CAMKK1: variants seen among roughly 807,000 people sequenced by gnomAD.
The protein encoded by CAMKK1 is calcium/calmodulin-dependent protein kinase kinase 1.
In CAMKK1, 20 loss-of-function variants were observed where a neutral mutation model predicts 63.5. That is an observed-to-expected ratio of 0.32 (90% CI 0.22 to 0.46). CAMKK1 has a LOEUF of 0.46. CAMKK1 is among the 20% of genes least tolerant of loss of function. The pLI is 1.00. For missense variants in CAMKK1, 588 were observed against 658.1 expected (o/e 0.89, Z 1.17); for synonymous variants, 253 against 269.0 (o/e 0.94, Z 0.58).
chr17:3,874,221 G>A (rs2055038658), intron 10 of CAMKK1, among the ~76,000 whole-genome samples: 2 of 152,222 alleles, frequency 1.3e-5, no homozygotes, highest in Non-Finnish European at 2.9e-5. Context: ...ACAACGGCAG[G>A]CCAAGGCCCT....
chr17:3,869,862 T>C lies in CAMKK1; in HGVS notation c.1151A>G (p.Asp384Gly). The stretch of plus-strand genomic sequence containing the variant: ...CTTGTCTAACATCTTCAGGATCAGG[T>C]CCTTGAGCTCCTCGCTGATTTCTGG... ...EEPEISEELK[D>G]LILKMLDKNP... The change falls in exon 13 of 16, where the codon GAC becomes GGC. Residue 384 changes from aspartate to glycine, a missense_variant. Asp to Gly is a moderately conservative substitution (Grantham distance 94). Coordinates refer to ENST00000348335, the MANE Select transcript of CAMKK1 (RefSeq NM_032294.3). 1 of 1,614,194 alleles carries C rather than the reference T, an allele frequency of 6.2e-7. No homozygotes were observed. Among genetic ancestry groups the C allele is most frequent in the Non-Finnish European group, 8.5e-7 (1 of 1,180,016 alleles).
chr17:3,884,007 G>C lies in CAMKK1; in HGVS notation c.409-70C>G. 2.0e-6 allele frequency: 3 copies of C among 1,478,714 alleles called. No homozygotes were observed. Among genetic ancestry groups the C allele is most frequent in the Non-Finnish European group, 1.9e-6 (2 of 1,064,886 alleles). The allele number at this position is 1,478,714 out of a possible 1,614,324, so 91.6% of individuals were successfully genotyped here. A position where few individuals can be genotyped will look rare whatever the true frequency, so the allele number is the denominator to read the frequency against. ...TCCCAGGACCAGCTCAGGAGGTGGGGAGCCGAGCAGCTCTGGTCTCTCCTG... is the reference window on the plus strand; with the variant it reads ...TCCCAGGACCAGCTCAGGAGGTGGGCAGCCGAGCAGCTCTGGTCTCTCCTG... On this transcript the variant is annotated intron_variant, in intron 3 of 15. Coordinates refer to ENST00000348335, the MANE Select transcript of CAMKK1 (RefSeq NM_032294.3). The surrounding 1 kb of genome is among the most constrained non-coding windows in gnomAD (Gnocchi z 4.5).
rs753752574 is a variant in CAMKK1 at position 3,869,861 on chromosome 17, G to A, written c.1152C>T (p.Asp384=). Reference sequence around the variant, plus strand: ...TCTTGTCTAACATCTTCAGGATCAGGTCCTTGAGCTCCTCGCTGATTTCTG... The same window carrying A: ...TCTTGTCTAACATCTTCAGGATCAGATCCTTGAGCTCCTCGCTGATTTCTG... The part of the protein sequence containing the change: ...EEPEISEELK[D]LILKMLDKNP... The change falls in exon 13 of 16, where the codon GAC becomes GAT. Residue 384 remains aspartate, a synonymous_variant. Coordinates refer to ENST00000348335, the MANE Select transcript of CAMKK1 (RefSeq NM_032294.3). 1.9e-6 allele frequency: 3 copies of A among 1,614,204 alleles called. No individual in the cohort carries two copies. Among genetic ancestry groups the A allele is most frequent in the Non-Finnish European group, 2.5e-6 (3 of 1,180,024 alleles).
rs7359671 is a variant in CAMKK1, at chr17:3,892,643, A to G, written c.-44+296T>C. ...CCACCAGGAGCCGGGCGCGGGGGAC[A>G]GTGCACCGGGGATGGATGCGGTCCG... On this transcript the variant is annotated intron_variant, in intron 1 of 15. Coordinates refer to ENST00000348335, the MANE Select transcript of CAMKK1 (RefSeq NM_032294.3). This position sits in a 1 kb window ranked among gnomAD's most constrained non-coding sequence, Gnocchi z 7.5. Among the ~76,000 whole-genome samples, 126,324 of 152,168 alleles carry G rather than the reference A, an allele frequency of 0.83. 52,874 individuals are homozygous for G. The highest frequency in any genetic ancestry group is 0.94 in the African/African-American group (39,133 of 41,546).
rs370829566 is a variant in CAMKK1, at chr17:3,882,420, C to G, written c.685+108G>C. On this transcript the variant is annotated intron_variant, in intron 7 of 15. Transcript: ENST00000348335. This position sits in a 1 kb window ranked among gnomAD's most constrained non-coding sequence, Gnocchi z 4.3. The stretch of plus-strand genomic sequence containing the variant: ...AGAACGTGTGTTTTTCTTCTGTCCC[C>G]AGGAGGTCAGTGCATTTACACCGCC... The G allele has an allele frequency of 1.8e-5, 29 of 1,588,548 alleles. No individual in the cohort carries two copies. The African/African-American group carries it at 3.8e-4, about 21-fold the overall frequency.
At chr17:3,864,339 C>T (rs534107361) in intron 15 of CAMKK1, among the ~76,000 whole-genome samples, 60 of 152,154 alleles carry the variant, frequency 3.9e-4, no homozygotes, top group African/African-American at 1.3e-3. Context: ...CTCTGCCTCC[C>T]GGGTTCACGC....
intron 12 of CAMKK1, among the ~76,000 whole-genome samples, chr17:3,870,611 T>A (rs146356241): frequency 6.6e-6 from 1 of 152,040 alleles, no homozygotes; most frequent in Admixed American, 6.5e-5. Context: ...ATGATCCGCC[T>A]GCCTTGGCCT....
At chr17:3,875,398 C>T (rs111794776) in intron 10 of CAMKK1, among the ~76,000 whole-genome samples, 10 of 152,238 alleles carry the variant, frequency 6.6e-5, no homozygotes, top group East Asian at 1.9e-4. Context: ...CCTCCCACCT[C>T]GGCCTCCCAA....
intron 10 of CAMKK1, among the ~76,000 whole-genome samples, chr17:3,875,982 C>T (rs957898856): frequency 8.5e-5 from 13 of 152,146 alleles, no homozygotes; most frequent in African/African-American, 3.1e-4. Context: ...TTCCACAGTC[C>T]AGTCCAGAAC....
intron 14 of CAMKK1, among the ~76,000 whole-genome samples, chr17:3,869,062 G>A (rs1185370264): frequency 2.7e-5 from 4 of 149,712 alleles, no homozygotes; most frequent in Middle Eastern, 3.3e-3. Context: ...TCCACCTCCC[G>A]GGTTCACACC....
intron 15 of CAMKK1, chr17:3,865,694 GC>G: frequency 1.4e-6 from 2 of 1,408,856 alleles, no homozygotes; most frequent in East Asian, 2.6e-5. Context: ...AGGGATGCTG[GC>G]CCCAGGAATG....
At chr17:3,870,402 G>T (rs2054788167) in intron 12 of CAMKK1, among the ~76,000 whole-genome samples, 1 of 150,894 alleles carries the variant, frequency 6.6e-6, no homozygotes, top group South Asian at 2.1e-4. Context: ...GTCTCGCTCT[G>T]TGGCCCAGGC....
chr17:3,871,497 G>GATGT lies in CAMKK1; in HGVS notation c.1124+1056_1124+1057insACAT, dbSNP rs1258498954. Among the ~76,000 whole-genome samples the GATGT allele has an allele frequency of 3.1e-3, 459 of 147,882 alleles. 15 individuals are homozygous for GATGT. The highest frequency in any genetic ancestry group is 0.011 in the African/African-American group (428 of 38,384). On this transcript the variant is annotated intron_variant, in intron 12 of 15. Coordinates refer to ENST00000348335, the MANE Select transcript of CAMKK1 (RefSeq NM_032294.3). Reference sequence around the variant, plus strand: ...AGCCTCTCGAGTAGCTGGGACTACAGGCACCCGCCACCACGCCCGGCTAAT... The same window carrying GATGT: ...AGCCTCTCGAGTAGCTGGGACTACAGATGTGCACCCGCCACCACGCCCGGCTAAT...
rs938170773 is a variant in CAMKK1 at position 3,884,355 on chromosome 17, C to T, written c.408+25G>A. 3.7e-6 allele frequency: 6 copies of T among 1,612,850 alleles called. No individual in the cohort carries two copies. The highest frequency in any genetic ancestry group is 1.3e-5 in the African/African-American group (1 of 74,900). ...CAAACAGAGAATCCCGAAGCCCCCACTGCTCTCGGCCTGCCCACTCCTACC... is the reference window on the plus strand; with the variant it reads ...CAAACAGAGAATCCCGAAGCCCCCATTGCTCTCGGCCTGCCCACTCCTACC... On this transcript the variant is annotated intron_variant, in intron 3 of 15. Coordinates refer to ENST00000348335, the MANE Select transcript of CAMKK1 (RefSeq NM_032294.3). The surrounding 1 kb of genome is among the most constrained non-coding windows in gnomAD (Gnocchi z 4.5).
At chr17:3,866,195 T>G (rs986602487) in intron 14 of CAMKK1, among the ~76,000 whole-genome samples, 184 bp from the exon 15 acceptor site, 1 of 152,076 alleles carries the variant, frequency 6.6e-6, no homozygotes, top group Non-Finnish European at 1.5e-5. Context: ...ATTCCTGGAA[T>G]GGTGAGGAGC....
Position 3,871,347 on chromosome 17 carries a change from GTTTTTTTTTT to G in CAMKK1, c.1124+1197_1124+1206del, listed in dbSNP as rs869219931. ...TGTTGTTTTTTGTTTTTTTTTTTTTGTTTTTTTTTTTTTTTTTTTTTTTTTGAGACAGAGT... is the reference window on the plus strand; with the variant it reads ...TGTTGTTTTTTGTTTTTTTTTTTTTGTTTTTTTTTTTTTTTGAGACAGAGT... On this transcript the variant is annotated intron_variant, in intron 12 of 15. Coordinates refer to ENST00000348335, the MANE Select transcript of CAMKK1 (RefSeq NM_032294.3). Among the ~76,000 whole-genome samples the G allele has an allele frequency of 8.1e-4, 85 of 104,362 alleles. 1 individual carries two copies. The highest frequency in any genetic ancestry group is 4.2e-3 in the East Asian group (17 of 4,006). The allele number at this position is 104,362 out of a possible 152,430, so 68.5% of individuals were successfully genotyped here.
intron 1 of CAMKK1, among the ~76,000 whole-genome samples, chr17:3,886,124 A>G (rs903671271): frequency 4.6e-5 from 7 of 152,184 alleles, no homozygotes; most frequent in Non-Finnish European, 1.0e-4. Flanking sequence ...ATGAGTCCCA[A>G]CCCTTGACAG....
Position 3,883,904 on chromosome 17 carries a change from C to T in CAMKK1, c.442G>A (p.Glu148Lys), listed in dbSNP as rs764163704. ...AYGVVRLAYN[E>K]SEDRHYAMKV... ...CTCACATAGTGTCTGTCTTCACTTT[C>T]GTTGTAGGCCAGCCTCACCACACCG... Residue 148 changes from glutamate to lysine, a missense_variant, in exon 4 of 16, where the codon GAA (glutamate) becomes AAA (lysine). Glu to Lys is a moderately conservative substitution (Grantham distance 56). This residue lies in a region of CAMKK1 where 357 missense variants were observed against 407.4 expected (regional missense o/e 0.88). Transcript: ENST00000348335. This position sits in a 1 kb window ranked among gnomAD's most constrained non-coding sequence, Gnocchi z 4.7. The T allele has an allele frequency of 9.3e-6, 15 of 1,613,740 alleles. 2 individuals carry two copies. The highest frequency in any genetic ancestry group is 5.5e-5 in the South Asian group (5 of 91,094).
rs778644672 is a variant in CAMKK1, at chr17:3,883,409, C to A, written c.514+20G>T. The A allele has an allele frequency of 1.2e-6, 2 of 1,611,280 alleles. No individual in the cohort carries two copies. Among genetic ancestry groups the A allele is most frequent in the South Asian group, 2.2e-5 (2 of 91,046 alleles). On this transcript the variant is annotated intron_variant, in intron 5 of 15. Coordinates refer to ENST00000348335, the MANE Select transcript of CAMKK1 (RefSeq NM_032294.3). The surrounding 1 kb of genome is among the most constrained non-coding windows in gnomAD (Gnocchi z 4.7). ...CCTCCAGGCTAGGAGCTCCCAGGGA[C>A]AGGATCAGAAGATACATACGTGGAA...
Sources: allele counts gnomAD v4.1 joint callset (sites outside exome capture counted in the v4.1 genomes callset), GRCh38; gene constraint gnomAD v4.1.1; regional missense constraint gnomAD v4.1.1; non-coding constraint Gnocchi (gnomAD v3.1); transcripts MANE v1.5; gene names NCBI Gene and HGNC (gene_info 2026-07-23, HGNC 2026-07-21).